Variants in MED15 observed in about 807,000 individuals in gnomAD.
MED15 encodes the protein mediator complex subunit 15, also known as mediator of RNA polymerase II transcription subunit 15.
Under a neutral mutation model 118.7 loss-of-function variants are expected in MED15, and 41 were observed. That is an observed-to-expected ratio of 0.35 (90% CI 0.27 to 0.45). The LOEUF (loss-of-function observed/expected upper bound fraction) is 0.45, where lower values mean the gene tolerates loss of function less well. MED15 is among the 20% of genes least tolerant of loss of function. MED15 has a pLI of 1.00. For missense variants in MED15, 740 were observed against 1,025.5 expected (o/e 0.72, Z 3.80); for synonymous variants, 436 against 413.9 (o/e 1.05, Z -0.65).
At chr22:20,537,336 A>AAAAC in intron 2 of MED15, 132 bp downstream of exon 2, 1 of 713,282 alleles carries the variant, frequency 1.4e-6, no homozygotes, top group Non-Finnish European at 2.2e-6. Context: ...GATCACAGGC[A>AAAAC]CAGTTGGTTT....
chr22:20,563,200 G>A (rs1413735292), intron 5 of MED15, among the ~76,000 whole-genome samples: 1 of 152,152 alleles, frequency 6.6e-6, no homozygotes, highest in African/African-American at 2.4e-5. Flanking sequence ...ACACTCTTGG[G>A]TATTTTTCCT....
chr22:20,585,845 G>A lies in MED15; in HGVS notation c.2230+19G>A. On this transcript the variant is annotated intron_variant, in intron 17 of 17. Transcript: ENST00000263205. ...CAGTACGGTAGGTAGACCCAGAGGA[G>A]CTGTCTGGGGACCCAGGGCAAGCAG... is the stretch of plus-strand genomic sequence containing the variant. 4 of 1,609,086 alleles carry A rather than the reference G, an allele frequency of 2.5e-6. No homozygotes were observed. Among genetic ancestry groups the A allele is most frequent in the East Asian group, 2.2e-5 (1 of 44,836 alleles).
intron 1 of MED15, among the ~76,000 whole-genome samples, chr22:20,521,054 A>G (rs1292982062): frequency 8.5e-6 from 1 of 116,998 alleles, no homozygotes; most frequent in African/African-American, 3.3e-5. Context: ...TGTGAAATTT[A>G]TCCTCATTTA....
intron 8 of MED15, among the ~76,000 whole-genome samples, chr22:20,571,515 T>C (rs890107381): frequency 6.6e-6 from 1 of 152,358 alleles, no homozygotes; most frequent in African/African-American, 2.4e-5. Flanking sequence ...AGGGCGTATC[T>C]ATGAGGTGCT....
chr22:20,557,888 C>T lies in MED15; in HGVS notation c.451+2740C>T, dbSNP rs492017. 6.2e-3 allele frequency among the ~76,000 whole-genome samples: 938 copies of T among 152,232 alleles called. 10 individuals carry two copies. Among genetic ancestry groups the T allele is most frequent in the African/African-American group, 0.021 (888 of 41,554 alleles). ...TTGGGAGGCTGAGGCGGGCGGATCACGAGGTCAGGAGATCGAGACCATCCT... is the reference window on the plus strand; with the variant it reads ...TTGGGAGGCTGAGGCGGGCGGATCATGAGGTCAGGAGATCGAGACCATCCT... On this transcript the variant is annotated intron_variant, in intron 5 of 17. Coordinates refer to ENST00000263205, the MANE Select transcript of MED15 (RefSeq NM_001003891.3).
intron 1 of MED15, chr22:20,508,255 T>A (rs1173761799): frequency 1.5e-6 from 2 of 1,292,366 alleles, no homozygotes; most frequent in South Asian, 2.5e-5. Context: ...CCCGAAGGAA[T>A]GTGGACTTTG....
At chr22:20,517,402 T>C (rs2054291378) in intron 1 of MED15, among the ~76,000 whole-genome samples, 1 of 152,218 alleles carries the variant, frequency 6.6e-6, no homozygotes, top group Admixed American at 6.5e-5. Context: ...ATCTCAGTTC[T>C]TACTCCCTGC....
intron 2 of MED15, among the ~76,000 whole-genome samples, chr22:20,538,942 C>T (rs969801124): frequency 6.6e-6 from 1 of 151,990 alleles, no homozygotes; most frequent in Non-Finnish European, 1.5e-5. Context: ...CTCAGGTGAT[C>T]CGCCCGCCTC....
At chr22:20,561,818 C>A (rs1242735769) in intron 5 of MED15, among the ~76,000 whole-genome samples, 4 of 151,700 alleles carry the variant, frequency 2.6e-5, no homozygotes, top group Non-Finnish European at 5.9e-5. Context: ...AGTTCAAGAC[C>A]AACCTCGGCA....
At chr22:20,541,738 C>T (rs1033384883) in intron 2 of MED15, among the ~76,000 whole-genome samples, 10 of 152,000 alleles carry the variant, frequency 6.6e-5, no homozygotes, top group Non-Finnish European at 1.0e-4. Context: ...CAACCTCCGC[C>T]TCCCAGGTTC....
At chr22:20,563,051 T>TA (rs1177178166) in intron 5 of MED15, among the ~76,000 whole-genome samples, 4 of 151,972 alleles carry the variant, frequency 2.6e-5, no homozygotes, top group Non-Finnish European at 4.4e-5. Context: ...AAAAAAATCT[T>TA]ACACCCATCA....
intron 1 of MED15, chr22:20,524,348 G>C (rs1018993821): frequency 1.3e-5 from 2 of 152,270 alleles, no homozygotes; most frequent in African/African-American, 4.8e-5. Flanking sequence ...CCCTGTAGCT[G>C]TCTAGAGACC....
In MED15 at chr22:20,582,656, C is replaced by A; in HGVS notation, c.1318C>A (p.Gln440Lys). Reference sequence around the variant, plus strand: ...CATGCTGTCCTCGCCGTCACCGGGCCAGCAGGTGCAGACCCCGCAGTCGAT... The same window carrying A: ...CATGCTGTCCTCGCCGTCACCGGGCAAGCAGGTGCAGACCCCGCAGTCGAT... ...LPMLSSPSPG[Q>K]QVQTPQSMPP... Residue 440 changes from glutamine to lysine, a missense_variant, in exon 10 of 18, where the codon CAG (glutamine) becomes AAG (lysine). By Grantham distance (53) the Gln-to-Lys change is moderately conservative. Around this residue, in one of 7 missense-constraint regions of MED15, gnomAD observed 384 missense variants for 506.3 expected, o/e 0.76. Transcript: ENST00000263205. 6.3e-7 allele frequency: 1 copy of A among 1,591,464 alleles called. No homozygotes were observed. The highest frequency in any genetic ancestry group is 8.5e-7 in the Non-Finnish European group (1 of 1,175,308).
At chr22:20,529,246 GTTAT>G (rs568787602) in intron 1 of MED15, among the ~76,000 whole-genome samples, 2 of 152,084 alleles carry the variant, frequency 1.3e-5, no homozygotes, top group South Asian at 2.1e-4. Flanking sequence ...GTTCATATCT[GTTAT>G]TTATTTATTT....
intron 5 of MED15, among the ~76,000 whole-genome samples, chr22:20,556,259 C>T (rs1370560081): frequency 6.6e-6 from 1 of 151,796 alleles, no homozygotes; most frequent in Non-Finnish European, 1.5e-5. Flanking sequence ...AATGTTGAGG[C>T]AGTGTAATCA....
intron 5 of MED15, among the ~76,000 whole-genome samples, chr22:20,560,112 C>T (rs939029339): frequency 6.6e-6 from 1 of 151,994 alleles, no homozygotes; most frequent in African/African-American, 2.4e-5. Flanking sequence ...GTCAGTCCCC[C>T]CAACAACATA....
chr22:20,535,563 C>CTT (rs574158276), intron 1 of MED15, among the ~76,000 whole-genome samples: 202 of 144,490 alleles, frequency 1.4e-3, no homozygotes, highest in African/African-American at 4.8e-3. Flanking sequence ...TGCTTTCTTT[C>CTT]TTTTTTTTTT....
chr22:20,585,825 C>CGGT lies in MED15; in HGVS notation c.2230_2230+2dup. ...TGTGGATAGACCGGCAGTGGCAGTA[C>CGGT]GGTAGGTAGACCCAGAGGAGCTGTC... On this transcript the variant is annotated inframe_insertion and splice_region_variant, in exon 17 of 18. Transcript: ENST00000263205. The CGGT allele has an allele frequency of 6.2e-7, 1 of 1,612,588 alleles. No homozygotes were observed. Among genetic ancestry groups the CGGT allele is most frequent in the Non-Finnish European group, 8.5e-7 (1 of 1,179,888 alleles).
At position 20,536,265 on chromosome 22, in the gene MED15, A is replaced by G. The variant is rs2055077166; in HGVS notation, c.69-852A>G. 2.6e-5 allele frequency among the ~76,000 whole-genome samples: 4 copies of G among 151,258 alleles called. No homozygotes were observed. In the South Asian group the frequency reaches 8.4e-4, roughly 32 times the overall value. Reference sequence around the variant, plus strand: ...CAAGAAGGCAGGCAGTGAGCACACCAGAGCAGTCCACCCCTGGGAGCCACA... The same window carrying G: ...CAAGAAGGCAGGCAGTGAGCACACCGGAGCAGTCCACCCCTGGGAGCCACA... On this transcript the variant is annotated intron_variant, in intron 1 of 17. Coordinates refer to ENST00000263205, the MANE Select transcript of MED15 (RefSeq NM_001003891.3).
Sources: allele counts gnomAD v4.1 joint callset (sites outside exome capture counted in the v4.1 genomes callset), GRCh38; gene constraint gnomAD v4.1.1; regional missense constraint gnomAD v4.1.1; transcripts MANE v1.5; gene names NCBI Gene and HGNC (gene_info 2026-07-23, HGNC 2026-07-21).